The following AUTS2 variants were observed in gnomAD, a reference collection of about 807,000 sequenced individuals.
The protein encoded by AUTS2 is autism susceptibility gene 2 protein.
AUTS2 carries 17 observed loss-of-function variants against 112.4 expected under a neutral mutation model. The ratio of observed to expected loss-of-function variants is 0.15; its 90% CI spans 0.10 to 0.23. AUTS2 has a LOEUF of 0.23. AUTS2 is among the 10% of genes least tolerant of loss of function. AUTS2 has a pLI of 1.00. For synonymous variants in AUTS2, 751 were observed against 702.7 expected (o/e 1.07, Z -1.09); for missense variants, 1,510 against 1,701.6 (o/e 0.89, Z 1.98).
At chr7:69,983,341 T>C (rs1180937614) in intron 2 of AUTS2, among the ~76,000 whole-genome samples, 2 of 128,600 alleles carry the variant, frequency 1.6e-5, no homozygotes, top group African/African-American at 5.8e-5. Context: ...TTATATAAAC[T>C]TTTTTTTTTT....
chr7:70,408,049 A>C lies in AUTS2; in HGVS notation c.661-27703A>C, dbSNP rs546199556. Among the ~76,000 whole-genome samples, 181 of 144,946 alleles carry C rather than the reference A, an allele frequency of 1.2e-3. 6 individuals carry two copies. In the South Asian group the frequency reaches 0.033, roughly 26 times the overall value. On this transcript the variant is annotated intron_variant, in intron 4 of 18. Coordinates refer to ENST00000342771, the MANE Select transcript of AUTS2 (RefSeq NM_015570.4). ...AGCCTGGGCGACAGAGCGAGACTCC[A>C]TCTCAAAAAAAAAAAAAAAAAAGTC... is the stretch of plus-strand genomic sequence containing the variant.
At chr7:70,513,912 G>A (rs1242123509) in intron 5 of AUTS2, among the ~76,000 whole-genome samples, 1 of 152,082 alleles carries the variant, frequency 6.6e-6, no homozygotes, top group Non-Finnish European at 1.5e-5. Context: ...TGCCCACCTT[G>A]GCCTCCCAAA....
intron 5 of AUTS2, among the ~76,000 whole-genome samples, chr7:70,669,860 A>G (rs1193623852): frequency 4.6e-5 from 7 of 152,244 alleles, no homozygotes; most frequent in African/African-American, 1.7e-4. Context: ...ACAGATGCAC[A>G]TCGCATCTCA....
chr7:70,643,528 G>T (rs532519469), intron 5 of AUTS2, among the ~76,000 whole-genome samples: 3 of 152,090 alleles, frequency 2.0e-5, no homozygotes, highest in Admixed American at 1.3e-4. Flanking sequence ...CTGGGATTAC[G>T]CCACTGCACT....
chr7:70,678,081 C>CA (rs1381882313), intron 5 of AUTS2, among the ~76,000 whole-genome samples: 4 of 151,490 alleles, frequency 2.6e-5, no homozygotes, highest in African/African-American at 7.3e-5. Flanking sequence ...GATTCTGCCT[C>CA]AAAAAAAATT....
intron 4 of AUTS2, among the ~76,000 whole-genome samples, chr7:70,224,331 G>GTACAGTACAA (rs1554341344): frequency 2.9e-5 from 4 of 138,692 alleles, no homozygotes; most frequent in African/African-American, 1.1e-4. Context: ...ATACAGTACA[G>GTACAGTACAA]TACAATACAA....
At chr7:70,660,756 C>T (rs559800685) in intron 5 of AUTS2, among the ~76,000 whole-genome samples, 1 of 152,310 alleles carries the variant, frequency 6.6e-6, no homozygotes, top group African/African-American at 2.4e-5. Flanking sequence ...GGCTCTGGGG[C>T]TTTGTCATGC....
chr7:69,867,467 A>G (rs1049594410), intron 1 of AUTS2, among the ~76,000 whole-genome samples: 9 of 152,148 alleles, frequency 5.9e-5, no homozygotes, highest in Admixed American at 1.3e-4. Context: ...ACGTTCCTGA[A>G]CTGCAGAAGC....
intron 1 of AUTS2, among the ~76,000 whole-genome samples, chr7:69,861,730 A>T (rs1792992198): frequency 6.6e-6 from 1 of 152,206 alleles, no homozygotes; most frequent in African/African-American, 2.4e-5. Context: ...ATTATTTCTT[A>T]ATACCTCTGA....
At chr7:70,578,119 C>T (rs1325312461) in intron 5 of AUTS2, among the ~76,000 whole-genome samples, 4 of 152,152 alleles carry the variant, frequency 2.6e-5, no homozygotes, top group South Asian at 2.1e-4. Context: ...CGTGAGCCAC[C>T]GCACCTGGCC....
chr7:70,239,352 A>G (rs748223736), intron 4 of AUTS2, among the ~76,000 whole-genome samples: 2 of 152,134 alleles, frequency 1.3e-5, no homozygotes, highest in Non-Finnish European at 2.9e-5. Flanking sequence ...GAAAATCAGA[A>G]TTAATTGATT....
intron 4 of AUTS2, among the ~76,000 whole-genome samples, chr7:70,410,348 A>C (rs1185355587): frequency 6.6e-6 from 1 of 152,106 alleles, no homozygotes; most frequent in Non-Finnish European, 1.5e-5. Flanking sequence ...TTCAGATTTC[A>C]TATCTTAAAT....
At chr7:70,155,443 G>A (rs1217075072) in intron 4 of AUTS2, among the ~76,000 whole-genome samples, 1 of 150,894 alleles carries the variant, frequency 6.6e-6, no homozygotes, top group Middle Eastern at 3.2e-3. Context: ...TGGTAGCAGA[G>A]TCCTTGAAGG....
chr7:69,962,924 G>A (rs138867926), intron 2 of AUTS2, among the ~76,000 whole-genome samples: 1 of 152,228 alleles, frequency 6.6e-6, no homozygotes, highest in Admixed American at 6.5e-5. Context: ...TGAGAAAAGG[G>A]AAAGTCCTTG....
At chr7:69,676,598 AAGT>A (rs1366985770) in intron 1 of AUTS2, among the ~76,000 whole-genome samples, 1 of 152,200 alleles carries the variant, frequency 6.6e-6, no homozygotes, top group Non-Finnish European at 1.5e-5. Context: ...AGTGTGACTT[AAGT>A]AAGTCTGACA....
intron 5 of AUTS2, among the ~76,000 whole-genome samples, chr7:70,619,576 A>AG (rs55931444): frequency 6.6e-6 from 1 of 150,480 alleles, no homozygotes; most frequent in Non-Finnish European, 1.5e-5. Context: ...AAAAAAAAAA[A>AG]CAGCCAAAGG....
At chr7:70,682,794 G>A (rs1808276532) in intron 5 of AUTS2, among the ~76,000 whole-genome samples, 1 of 152,266 alleles carries the variant, frequency 6.6e-6, no homozygotes, top group South Asian at 2.1e-4. Flanking sequence ...TTCAGCTGGA[G>A]CTGGCGGAGC....
chr7:70,425,226 A>G (rs1795384010), intron 4 of AUTS2, among the ~76,000 whole-genome samples: 1 of 152,240 alleles, frequency 6.6e-6, no homozygotes, highest in Admixed American at 6.5e-5. Flanking sequence ...TGGAATTCCA[A>G]GCACTTTAAG....
At chr7:70,230,439 A>C (rs1273764159) in intron 4 of AUTS2, among the ~76,000 whole-genome samples, 1 of 152,202 alleles carries the variant, frequency 6.6e-6, no homozygotes, top group East Asian at 1.9e-4. Flanking sequence ...TTGAGTGCTC[A>C]GTTAAAGATT....
Sources: gnomAD v4.1 joint callset for allele counts (sites outside exome capture counted in the v4.1 genomes callset) on GRCh38, gnomAD v4.1.1 for gene constraint, MANE v1.5 for transcripts, NCBI Gene and HGNC (gene_info 2026-07-23, HGNC 2026-07-21) for gene names.